The following DDX52 variants were observed in gnomAD, a reference collection of about 807,000 sequenced individuals.
The protein encoded by DDX52 is probable ATP-dependent RNA helicase DDX52.
A neutral mutation model predicts 76.1 loss-of-function variants in DDX52; 59 were observed. The observed-to-expected ratio is 0.78, with a 90% CI of 0.63 to 0.96. The LOEUF is 0.96. Ranked by LOEUF, DDX52 falls within the 40% of genes least tolerant of loss-of-function variation. DDX52 has a pLI of 0.00. For synonymous variants in DDX52, 231 were observed against 244.1 expected (o/e 0.95, Z 0.50); for missense variants, 707 against 703.9 (o/e 1.00, Z -0.05).
intron 5 of DDX52, among the ~76,000 whole-genome samples, chr17:37,628,941 G>T (rs2030531219): frequency 6.6e-6 from 1 of 152,118 alleles, no homozygotes; most frequent in Non-Finnish European, 1.5e-5. Flanking sequence ...CTACTGGCCG[G>T]GTGTGGGGGC....
At chr17:37,637,201 G>A (rs1023195462) in intron 2 of DDX52, among the ~76,000 whole-genome samples, 3 of 150,450 alleles carry the variant, frequency 2.0e-5, no homozygotes, top group African/African-American at 2.4e-5. Flanking sequence ...TCTCGGCTTC[G>A]GCTCACTGCA....
chr17:37,634,504 G>C (rs2030837768), intron 2 of DDX52, among the ~76,000 whole-genome samples: 1 of 151,568 alleles, frequency 6.6e-6, no homozygotes, highest in Non-Finnish European at 1.5e-5. Context: ...GATGGCAGGT[G>C]CCTGTAATCC....
rs35776677 is a variant in DDX52 at position 37,639,740 on chromosome 17, C to CA, written c.286+2369dup. On this transcript the variant is annotated intron_variant, in intron 2 of 14. Coordinates refer to ENST00000617633, the MANE Select transcript of DDX52 (RefSeq NM_007010.5). ...CCAGCCACAGAGTGAGACTCAGTCT[C>CA]AAAAAAAAAAAAAAAATTGATACAT... is the stretch of plus-strand genomic sequence containing the variant. Among the ~76,000 whole-genome samples, 399 of 108,428 alleles carry CA rather than the reference C, an allele frequency of 3.7e-3. 1 individual carries two copies. Among genetic ancestry groups the CA allele is most frequent in the African/African-American group, 7.2e-3 (195 of 27,168 alleles). 71.1% of individuals were successfully genotyped at this position (108,428 alleles called of 152,430 possible).
intron 14 of DDX52, among the ~76,000 whole-genome samples, chr17:37,617,039 T>A (rs1314689333): frequency 6.6e-6 from 1 of 152,190 alleles, no homozygotes; most frequent in Non-Finnish European, 1.5e-5. Context: ...ATCTTTCTCT[T>A]ATCTCCTATT....
intron 4 of DDX52, 122 bp downstream of exon 4, chr17:37,631,991 G>A (rs1250761759): frequency 7.3e-7 from 1 of 1,370,996 alleles, no homozygotes; most frequent in African/African-American, 1.4e-5. Context: ...AACCTTAAAA[G>A]GAAGTGAAGG....
intron 9 of DDX52, among the ~76,000 whole-genome samples, chr17:37,622,870 T>C (rs1349228726): frequency 1.3e-5 from 2 of 152,260 alleles, no homozygotes; most frequent in Non-Finnish European, 2.9e-5. Flanking sequence ...AGCACTATTA[T>C]ATAATAAGTA....
In DDX52 at chr17:37,612,340, G is replaced by C. The variant is rs577326649; in HGVS notation, c.*1956C>G. 3 of 152,234 alleles carry C rather than the reference G, an allele frequency of 2.0e-5. No individual in the cohort carries two copies. The South Asian group carries it at 6.2e-4, about 32-fold the overall frequency. 9.4% of individuals were successfully genotyped at this position (152,234 alleles called of 1,614,324 possible). A position where few individuals can be genotyped will look rare whatever the true frequency, so the allele number is the denominator to read the frequency against. On this transcript the variant is annotated 3_prime_UTR_variant, in exon 15 of 15. Coordinates refer to ENST00000617633, the MANE Select transcript of DDX52 (RefSeq NM_007010.5). ...AACCTGCCCGCCTAGGCCTCCCGAA[G>C]TGTTAGGATTACAGGCATGAGCCAC... is the stretch of plus-strand genomic sequence containing the variant.
chr17:37,642,229 G>A lies in DDX52; in HGVS notation c.167C>T (p.Pro56Leu), dbSNP rs139568647. The A allele has an allele frequency of 1.1e-5, 17 of 1,613,898 alleles. No individual in the cohort carries two copies. In the African/African-American group the frequency reaches 2.3e-4, roughly 22 times the overall value. ...TGTTTGTGATGCTCCACACACACCT[G>A]GGACAGACTTCTTGTTTCCAAAAAA... ...LDFFGNKKSVPGVCGASQTHQ... is the reference protein window; with the variant it reads ...LDFFGNKKSVLGVCGASQTHQ... The change falls in exon 2 of 15, where the codon CCA becomes CTA. Residue 56 changes from proline (P) to leucine (L), a missense_variant. By Grantham distance (98) the Pro-to-Leu change is moderately conservative. Transcript: ENST00000617633.
In DDX52 at chr17:37,642,883, G is replaced by A. The variant is rs140425522; in HGVS notation, c.87+451C>T. ...CATTTCTTAATCGCTCTTCTCATTG[G>A]TTACTTAAGCCATGGGGTTGAAGCA... On this transcript the variant is annotated intron_variant, in intron 1 of 14. Transcript: ENST00000617633. The A allele has an allele frequency of 3.8e-3, 608 of 160,520 alleles. 2 individuals carry two copies. Among genetic ancestry groups the A allele is most frequent in the Non-Finnish European group, 5.4e-3 (401 of 73,760 alleles). The allele number at this position is 160,520 out of a possible 1,614,324, so 9.9% of individuals were successfully genotyped here.
chr17:37,623,283 G>A (rs1177334544), intron 9 of DDX52, among the ~76,000 whole-genome samples: 1 of 152,008 alleles, frequency 6.6e-6, no homozygotes, highest in African/African-American at 2.4e-5. Flanking sequence ...CAATTAGCCG[G>A]GCATGGTGGC....
At chr17:37,635,313 T>C (rs1326319745) in intron 2 of DDX52, among the ~76,000 whole-genome samples, 1 of 152,216 alleles carries the variant, frequency 6.6e-6, no homozygotes, top group Non-Finnish European at 1.5e-5. Context: ...CAAAAAACTA[T>C]CACCACATTC....
At chr17:37,642,967 A>G (rs2031270732) in intron 1 of DDX52, 1 of 181,612 alleles carries the variant, frequency 5.5e-6, no homozygotes, top group South Asian at 1.5e-4. Context: ...TGGGGAGACT[A>G]TAGTAAGAGA....
intron 2 of DDX52, among the ~76,000 whole-genome samples, chr17:37,636,343 C>T (rs1018488699): frequency 4.6e-5 from 7 of 152,102 alleles, no homozygotes; most frequent in Non-Finnish European, 1.0e-4. Flanking sequence ...TTTCTTTTCC[C>T]CGCTGAATTA....
At chr17:37,641,198 C>T (rs1394680107) in intron 2 of DDX52, among the ~76,000 whole-genome samples, 3 of 151,638 alleles carry the variant, frequency 2.0e-5, no homozygotes, top group African/African-American at 4.8e-5. Flanking sequence ...GTCAGGAGAT[C>T]GAGACCATCC....
chr17:37,616,984 A>T (rs1158705432), intron 14 of DDX52, among the ~76,000 whole-genome samples: 6 of 152,226 alleles, frequency 3.9e-5, no homozygotes, highest in African/African-American at 1.4e-4. Context: ...CCTTAAAGAT[A>T]GTTCTACTTT....
At chr17:37,637,255 C>T (rs1403901664) in intron 2 of DDX52, among the ~76,000 whole-genome samples, 1 of 152,028 alleles carries the variant, frequency 6.6e-6, no homozygotes, top group Non-Finnish European at 1.5e-5. Context: ...CCTTAGCCTC[C>T]CAGGTAGGTG....
Position 37,636,165 on chromosome 17 carries a change from C to T in DDX52, c.287-2747G>A, listed in dbSNP as rs8080225. 5.6e-3 allele frequency among the ~76,000 whole-genome samples: 848 copies of T among 152,146 alleles called. 9 individuals carry two copies. Among genetic ancestry groups the T allele is most frequent in the African/African-American group, 0.02 (819 of 41,506 alleles). On this transcript the variant is annotated intron_variant, in intron 2 of 14. Transcript: ENST00000617633. The stretch of plus-strand genomic sequence containing the variant: ...TTTTGTTGTTGTTGTGCTAAGGAAC[C>T]TTGACATATCTCAAGGCCACAAAGA...
chr17:37,626,064 GT>G lies in DDX52; in HGVS notation c.966del (p.Lys322AsnfsTer62). On this transcript the variant is annotated frameshift_variant, in exon 8 of 15. Transcript: ENST00000617633. LOFTEE classifies it high-confidence loss of function. ...VEWLVVDESD[K>X]LFEDGKTGFR... ...AACCCAGTTTTGCCATCTTCAAACA[GT>G]TTATCTGATTCGTCTACTACAAGCC... is the stretch of plus-strand genomic sequence containing the variant. The G allele has an allele frequency of 6.2e-7, 1 of 1,614,056 alleles. No individual in the cohort carries two copies. Among genetic ancestry groups the G allele is most frequent in the Non-Finnish European group, 8.5e-7 (1 of 1,180,012 alleles).
In DDX52 at chr17:37,626,978, A is replaced by C. The variant is rs752893402; in HGVS notation, c.860-118T>G. 5 of 722,568 alleles carry C rather than the reference A, an allele frequency of 6.9e-6. No homozygotes were observed. In the Admixed American group the frequency reaches 1.1e-4, roughly 17 times the overall value. 44.8% of individuals were successfully genotyped at this position (722,568 alleles called of 1,614,324 possible). On this transcript the variant is annotated intron_variant, in intron 6 of 14. Coordinates refer to ENST00000617633, the MANE Select transcript of DDX52 (RefSeq NM_007010.5). ...AAGTGGGAAGTAGTCATAGCCAACA[A>C]CACAAAACTATTATATCCCTACTTT...
Sources: allele counts gnomAD v4.1 joint callset (sites outside exome capture counted in the v4.1 genomes callset), GRCh38; gene constraint gnomAD v4.1.1; transcripts MANE v1.5; gene names NCBI Gene and HGNC (gene_info 2026-07-23, HGNC 2026-07-21).